SLCO1A2: variants seen among roughly 807,000 people sequenced by gnomAD.
SLCO1A2 encodes solute carrier organic anion transporter family member 1A2, also known as OATP-1.
A neutral mutation model predicts 69.0 loss-of-function variants in SLCO1A2; 67 were observed. The observed-to-expected ratio is 0.97, with a 90% CI of 0.80 to 1.19. The LOEUF is 1.19. SLCO1A2 is among the 50% of genes most tolerant of loss of function. The pLI is 0.00. For synonymous variants in SLCO1A2, 260 were observed against 265.9 expected (o/e 0.98, Z 0.22); for missense variants, 787 against 793.7 (o/e 0.99, Z 0.10).
At chr12:21,307,784 G>T (rs1172846712) in intron 4 of SLCO1A2, among the ~76,000 whole-genome samples, 2 of 152,170 alleles carry the variant, frequency 1.3e-5, no homozygotes, top group African/African-American at 4.8e-5. Context: ...AAGAAAACTT[G>T]CCCTTCTGAG....
intron 2 of SLCO1A2, among the ~76,000 whole-genome samples, chr12:21,367,377 G>A (rs998548638): frequency 3.3e-5 from 5 of 152,002 alleles, no homozygotes; most frequent in African/African-American, 9.7e-5. Context: ...CAATATGAAA[G>A]CAAAAGGATA....
At position 21,268,070 on chromosome 12, in the gene SLCO1A2, TTTCTC is replaced by T. The variant is rs1942261440; in HGVS notation, c.*1473_*1477del. Reference sequence around the variant, plus strand: ...CCCCCTAAACCTGTTCTATACAGCCTTTCTCTTCTCATTTGCTTTCTTTTTTCATA... The same window carrying T: ...CCCCCTAAACCTGTTCTATACAGCCTTTCTCATTTGCTTTCTTTTTTCATA... On this transcript the variant is annotated 3_prime_UTR_variant, in exon 15 of 15. Coordinates refer to ENST00000683939, the MANE Select transcript of SLCO1A2 (RefSeq NM_001386879.1). 6.7e-6 allele frequency: 1 copy of T among 150,066 alleles called. No homozygotes were observed. The highest frequency in any genetic ancestry group is 1.5e-5 in the Non-Finnish European group (1 of 67,892). The allele number at this position is 150,066 out of a possible 1,614,324, so 9.3% of individuals were successfully genotyped here. A position where few individuals can be genotyped will look rare whatever the true frequency, so the allele number is the denominator to read the frequency against.
chr12:21,364,113 A>G (rs574067804), intron 2 of SLCO1A2, among the ~76,000 whole-genome samples: 339 of 152,326 alleles, frequency 2.2e-3, no homozygotes, highest in South Asian at 4.4e-3. Context: ...ATTTTAGACC[A>G]ATATCCCTGA....
At chr12:21,397,596 A>C (rs1385912225), upstream of SLCO1A2, among the ~76,000 whole-genome samples, 2 of 152,140 alleles carry the variant, frequency 1.3e-5, no homozygotes, top group African/African-American at 4.8e-5. Context: ...CACCACACCT[A>C]TTCCTAAATT....
intron 1 of SLCO1A2, chr12:21,378,116 G>A (rs1940339269): frequency 1.2e-6 from 1 of 865,336 alleles, no homozygotes; most frequent in Non-Finnish European, 1.8e-6. Flanking sequence ...CCAAAACACT[G>A]AGTTACTTAT....
rs187731471 is a variant in SLCO1A2, at chr12:21,321,217, G to A, written c.61-2294C>T. On this transcript the variant is annotated intron_variant, in intron 2 of 14. Coordinates refer to ENST00000683939, the MANE Select transcript of SLCO1A2 (RefSeq NM_001386879.1). Reference sequence around the variant, plus strand: ...TACCTATATCTCTGACTAACTGCTCGATTCTTTCTCTCTTCTTTGGTCAAC... The same window carrying A: ...TACCTATATCTCTGACTAACTGCTCAATTCTTTCTCTCTTCTTTGGTCAAC... Among the ~76,000 whole-genome samples the A allele has an allele frequency of 2.7e-3, 417 of 152,188 alleles. 5 individuals are homozygous for A. The highest frequency in any genetic ancestry group is 9.3e-3 in the African/African-American group (386 of 41,516).
At chr12:21,297,216 TC>T (rs1947851654) in intron 9 of SLCO1A2, among the ~76,000 whole-genome samples, 187 bp downstream of exon 9, 4 of 145,822 alleles carry the variant, frequency 2.7e-5, no homozygotes, top group African/African-American at 7.9e-5. Context: ...CTTCTTTCCT[TC>T]CTTCTTTCCT....
chr12:21,371,512 A>G (rs574700116), intron 2 of SLCO1A2, among the ~76,000 whole-genome samples: 123 of 152,316 alleles, frequency 8.1e-4, no homozygotes, highest in African/African-American at 2.7e-3. Flanking sequence ...TGAAATCTCT[A>G]CCAAACACCT....
chr12:21,307,221 G>T (rs960999523), intron 4 of SLCO1A2, among the ~76,000 whole-genome samples: 10 of 152,126 alleles, frequency 6.6e-5, no homozygotes, highest in African/African-American at 2.2e-4. Context: ...GCCTGTGGAT[G>T]ATCTACCTTT....
chr12:21,272,612 G>GTGTC (rs1362455929), intron 14 of SLCO1A2, among the ~76,000 whole-genome samples: 5 of 151,818 alleles, frequency 3.3e-5, no homozygotes, highest in Admixed American at 2.6e-4. Context: ...GATTTAGTAT[G>GTGTC]TGTCTGGTAG....
chr12:21,290,159 A>T (rs1362500292), intron 12 of SLCO1A2, among the ~76,000 whole-genome samples: 1 of 152,064 alleles, frequency 6.6e-6, no homozygotes, highest in South Asian at 2.1e-4. Context: ...CTAATGGCAC[A>T]TCACCTTTAT....
chr12:21,280,304 A>T lies in SLCO1A2; in HGVS notation c.1611-4880T>A, dbSNP rs12309871. On this transcript the variant is annotated intron_variant, in intron 12 of 14. Coordinates refer to ENST00000683939, the MANE Select transcript of SLCO1A2 (RefSeq NM_001386879.1). The stretch of plus-strand genomic sequence containing the variant: ...TGACATAAAGTAGCTGAATGGATTT[A>T]AAAAAATACCCAATAATCTGTTGTC... Among the ~76,000 whole-genome samples, 802 of 152,152 alleles carry T rather than the reference A, an allele frequency of 5.3e-3. 5 individuals carry two copies. Among genetic ancestry groups the T allele is most frequent in the African/African-American group, 0.017 (693 of 41,524 alleles).
At chr12:21,293,473 T>C (rs1447202639) in intron 11 of SLCO1A2, among the ~76,000 whole-genome samples, 2 of 151,960 alleles carry the variant, frequency 1.3e-5, no homozygotes, top group African/African-American at 4.8e-5. Context: ...TTGTGATATC[T>C]TAGAGGCAAG....
upstream of SLCO1A2, among the ~76,000 whole-genome samples, chr12:21,338,040 A>G (rs917713500): frequency 1.3e-5 from 2 of 152,056 alleles, no homozygotes; most frequent in Non-Finnish European, 2.9e-5. Context: ...ACTCTAGATA[A>G]TAGACCAAGC....
At chr12:21,304,733 G>A (rs1949141257) in intron 5 of SLCO1A2, among the ~76,000 whole-genome samples, 160 bp from the exon 6 acceptor site, 2 of 152,112 alleles carry the variant, frequency 1.3e-5, no homozygotes, top group Admixed American at 1.3e-4. Flanking sequence ...GGCACCCCTA[G>A]TGCATTTTCT....
chr12:21,314,710 A>T (rs988099460), intron 3 of SLCO1A2, 29 bp from the exon 4 acceptor site: 11 of 1,519,196 alleles, frequency 7.2e-6, no homozygotes, highest in East Asian at 4.6e-5. Flanking sequence ...TAATCATTTT[A>T]AAAAGTATGA....
intron 12 of SLCO1A2, among the ~76,000 whole-genome samples, chr12:21,286,358 G>T (rs1945791221): frequency 7.0e-6 from 1 of 143,618 alleles, no homozygotes; most frequent in Non-Finnish European, 1.5e-5. Flanking sequence ...GGAAATAAAA[G>T]AGGATACAAA....
At chr12:21,413,160 C>T (rs750435571) in intron 1 of SLCO1A2, among the ~76,000 whole-genome samples, 4 of 149,820 alleles carry the variant, frequency 2.7e-5, no homozygotes, top group East Asian at 2.0e-4. Flanking sequence ...TTTGTGCTAT[C>T]GTTTTGTGTT....
chr12:21,412,491 T>C (rs1241743327), intron 1 of SLCO1A2, among the ~76,000 whole-genome samples: 1 of 152,216 alleles, frequency 6.6e-6, no homozygotes, highest in Non-Finnish European at 1.5e-5. Flanking sequence ...TATTAAATTG[T>C]ATCAAATGTT....
Sources: gnomAD v4.1 joint callset for allele counts (sites outside exome capture counted in the v4.1 genomes callset) on GRCh38, gnomAD v4.1.1 for gene constraint, MANE v1.5 for transcripts, NCBI Gene and HGNC (gene_info 2026-07-23, HGNC 2026-07-21) for gene names.